Variants in NCOA2 observed in about 807,000 individuals in gnomAD.
NCOA2 encodes the protein nuclear receptor coactivator 2, also known as class E basic helix-loop-helix protein 75.
In NCOA2, 21 loss-of-function variants were observed where a neutral mutation model predicts 145.1. The observed-to-expected ratio is 0.14, with a 90% CI of 0.10 to 0.21. The LOEUF is 0.21. Ranked by LOEUF, NCOA2 falls within the 10% of genes least tolerant of loss-of-function variation. The pLI is 1.00. For missense variants in NCOA2, 1,472 were observed against 1,837.6 expected (o/e 0.80, Z 3.64); for synonymous variants, 619 against 637.5 (o/e 0.97, Z 0.44).
chr8:70,155,881 C>T, intron 11 of NCOA2, 90 bp downstream of exon 11: 1 of 1,020,378 alleles, frequency 9.8e-7, no homozygotes, highest in Non-Finnish European at 1.4e-6. Context: ...TATTTTTATC[C>T]AATCACCTGA....
chr8:70,335,122 CAAAAAAAAAAAA>C (rs59460365), intron 1 of NCOA2, among the ~76,000 whole-genome samples: 54 of 29,464 alleles, frequency 1.8e-3, no homozygotes, highest in East Asian at 0.011. Flanking sequence ...GACTCCATCT[CAAAAAAAAAAAA>C]AAAAAAAAAA....
At position 70,155,998 on chromosome 8, in the gene NCOA2, C is replaced by G. The variant is rs774643366; in HGVS notation, c.2367G>C (p.Glu789Asp). The G allele has an allele frequency of 1.9e-6, 3 of 1,592,776 alleles. No homozygotes were observed. The South Asian group carries it at 3.4e-5, about 18-fold the overall frequency. ...TKLIAMKTEK[E>D]EMSFEPGDQP... ...GGTCACCAGGCTCAAAGCTCATCTCCTCCTTCTCAGTTTTCATTGCTATTA... is the reference window on the plus strand; with the variant it reads ...GGTCACCAGGCTCAAAGCTCATCTCGTCCTTCTCAGTTTTCATTGCTATTA... The change falls in exon 11 of 23, where the codon GAG (glutamate) becomes GAC (aspartate). Residue 789 changes from glutamate to aspartate, a missense_variant. Physicochemically the swap from Glu to Asp is conservative, Grantham distance 45. Around this residue, in one of 4 missense-constraint regions of NCOA2, gnomAD observed 953 missense variants for 1,062.1 expected, o/e 0.90. Transcript: ENST00000452400.
At position 70,224,988 on chromosome 8, in the gene NCOA2, T is replaced by G. The variant is rs1184443236; in HGVS notation, c.-19-8224A>C. Among the ~76,000 whole-genome samples the G allele has an allele frequency of 2.0e-5, 3 of 152,058 alleles. No individual in the cohort carries two copies. In the East Asian group the frequency reaches 5.8e-4, roughly 29 times the overall value. On this transcript the variant is annotated intron_variant, in intron 2 of 22. Coordinates refer to ENST00000452400, the MANE Select transcript of NCOA2 (RefSeq NM_006540.4). ...TCCTGTCCAGAGTCTCAGTCTCCACTGGAGTACTTAAGTTGCCCATCATCC... is the reference window on the plus strand; with the variant it reads ...TCCTGTCCAGAGTCTCAGTCTCCACGGGAGTACTTAAGTTGCCCATCATCC...
rs553849990 is a variant in NCOA2, at chr8:70,110,690, T to C, written c.*2942A>G. 4.6e-6 allele frequency: 1 copy of C among 217,446 alleles called. No individual in the cohort carries two copies. The highest frequency in any genetic ancestry group is 1.9e-4 in the South Asian group (1 of 5,392). 13.5% of individuals were successfully genotyped at this position (217,446 alleles called of 1,614,324 possible). A position where few individuals can be genotyped will look rare whatever the true frequency, so the allele number is the denominator to read the frequency against. On this transcript the variant is annotated 3_prime_UTR_variant, in exon 23 of 23. Transcript: ENST00000452400. ...TGAACACAGATTAAAAATTGCATTA[T>C]ATAAACTGCAAAAACATTGCTTTCA...
chr8:70,136,681 C>T (rs1321197937), intron 15 of NCOA2, among the ~76,000 whole-genome samples: 1 of 152,044 alleles, frequency 6.6e-6, no homozygotes, highest in African/African-American at 2.4e-5. Flanking sequence ...TAAACTGATG[C>T]TGGATTCATA....
intron 2 of NCOA2, among the ~76,000 whole-genome samples, chr8:70,261,037 A>G (rs1042836390): frequency 7.9e-5 from 12 of 152,242 alleles, no homozygotes; most frequent in Non-Finnish European, 1.3e-4. Flanking sequence ...TGTGGAAGTC[A>G]GTGTGGCGAT....
chr8:70,411,754 A>G, the NCOA2 span, among the ~76,000 whole-genome samples: 1 of 152,240 alleles, frequency 6.6e-6, no homozygotes, highest in Non-Finnish European at 1.5e-5. Flanking sequence ...ATATGATGCT[A>G]TTTACATAAA....
chr8:70,230,146 T>G (rs1238300968), intron 2 of NCOA2, among the ~76,000 whole-genome samples: 1 of 152,194 alleles, frequency 6.6e-6, no homozygotes, highest in African/African-American at 2.4e-5. Flanking sequence ...CTAGAAAGAT[T>G]AGCATGGTAG....
chr8:70,156,988 C>G lies in NCOA2; in HGVS notation c.1377G>C (p.Gln459His). 3 of 1,614,086 alleles carry G rather than the reference C, an allele frequency of 1.9e-6. 1 individual carries two copies. In the South Asian group the frequency reaches 3.3e-5, roughly 18 times the overall value. ...HVSGMQATTP[Q>H]GSNYALKMNS... ...TCATTTTGAGTGCATAGTTACTACC[C>G]TGAGGAGTGGTTGCTTGCATGCCTG... The change falls in exon 11 of 23, where the codon CAG (glutamine) becomes CAC (histidine). Residue 459 changes from glutamine (Q) to histidine (H), a missense_variant. By Grantham distance (24) the Gln-to-His change is conservative. Around this residue, in one of 4 missense-constraint regions of NCOA2, gnomAD observed 953 missense variants for 1,062.1 expected, o/e 0.90. Transcript: ENST00000452400.
At chr8:70,215,720 A>C (rs906720614) in intron 3 of NCOA2, among the ~76,000 whole-genome samples, 2 of 152,176 alleles carry the variant, frequency 1.3e-5, no homozygotes, top group African/African-American at 4.8e-5. Context: ...AAAACATTGA[A>C]AAAGTGAAAA....
chr8:70,357,988 A>G (rs1586587026), intron 1 of NCOA2, among the ~76,000 whole-genome samples: 2 of 152,034 alleles, frequency 1.3e-5, no homozygotes, highest in South Asian at 4.1e-4. Context: ...GAGGCGGAGG[A>G]TGCAGTGAGC....
chr8:70,310,530 C>T (rs16936907), intron 1 of NCOA2, among the ~76,000 whole-genome samples: 4,689 of 152,112 alleles, frequency 0.031, 123 homozygotes, highest in South Asian at 0.077. Flanking sequence ...ACCATAAATT[C>T]AAGGCATGCG....
chr8:70,185,615 T>TGGTGG (rs1456812874), intron 4 of NCOA2, among the ~76,000 whole-genome samples: 1 of 152,014 alleles, frequency 6.6e-6, no homozygotes, highest in Non-Finnish European at 1.5e-5. Context: ...ATGGGGCACG[T>TGGTGG]GGTGGGGTGG....
intron 4 of NCOA2, among the ~76,000 whole-genome samples, chr8:70,185,826 A>G (rs1190778775): frequency 6.6e-6 from 1 of 152,208 alleles, no homozygotes; most frequent in African/African-American, 2.4e-5. Flanking sequence ...GTATATGAGA[A>G]TAGGTCTGTC....
chr8:70,183,285 T>C (rs2133042130), intron 4 of NCOA2, among the ~76,000 whole-genome samples: 1 of 152,334 alleles, frequency 6.6e-6, no homozygotes, highest in Admixed American at 6.5e-5. Flanking sequence ...ATTCAGAAGA[T>C]TATGAGTAAG....
intron 2 of NCOA2, among the ~76,000 whole-genome samples, chr8:70,222,224 T>C (rs1820202189): frequency 1.3e-5 from 2 of 152,214 alleles, no homozygotes; most frequent in South Asian, 4.1e-4. Flanking sequence ...TTTACTAGTT[T>C]AGAGCAGTTT....
the NCOA2 span, among the ~76,000 whole-genome samples, chr8:70,447,482 T>C: frequency 3.9e-5 from 6 of 152,258 alleles, no homozygotes; most frequent in East Asian, 1.2e-3. Flanking sequence ...TTGTGTCCAG[T>C]CTGTTCGCCA....
intron 1 of NCOA2, among the ~76,000 whole-genome samples, chr8:70,317,506 A>G (rs1450207292): frequency 6.6e-6 from 1 of 152,190 alleles, no homozygotes; most frequent in East Asian, 1.9e-4. Context: ...TCAACATAAA[A>G]AATGAGATCC....
intron 1 of NCOA2, among the ~76,000 whole-genome samples, chr8:70,332,636 T>C (rs1411398239): frequency 6.6e-6 from 1 of 152,166 alleles, no homozygotes; most frequent in Non-Finnish European, 1.5e-5. Flanking sequence ...TTCAGATGTA[T>C]TACAATTTAA....
Sources: allele counts gnomAD v4.1 joint callset (sites outside exome capture counted in the v4.1 genomes callset), GRCh38; gene constraint gnomAD v4.1.1; regional missense constraint gnomAD v4.1.1; transcripts MANE v1.5; gene names NCBI Gene and HGNC (gene_info 2026-07-23, HGNC 2026-07-21).